Variants in NXPH1 observed in about 807,000 individuals in gnomAD.
NXPH1 encodes the protein neurexophilin 1, also known as neurexophilin-1.
Under a neutral mutation model 23.7 loss-of-function variants are expected in NXPH1, and 5 were observed. The ratio of observed to expected loss-of-function variants is 0.21; its 90% CI spans 0.11 to 0.44. The LOEUF (loss-of-function observed/expected upper bound fraction) is 0.44. NXPH1 is among the 20% of genes least tolerant of loss of function. The probability of loss-of-function intolerance (pLI) is 0.99; values close to 1 mark genes in which losing one functional copy is unlikely to be tolerated. For synonymous variants in NXPH1, 144 were observed against 122.2 expected (o/e 1.18, Z -1.18); for missense variants, 324 against 321.6 (o/e 1.01, Z -0.06).
chr7:8,709,356 C>T (rs1030509841), intron 2 of NXPH1, among the ~76,000 whole-genome samples: 2 of 151,884 alleles, frequency 1.3e-5, no homozygotes, highest in African/African-American at 4.8e-5. Flanking sequence ...GTATTAGGTG[C>T]TTTGAATTCT....
rs551304675 is a variant in NXPH1, at chr7:8,549,541, T to G, written c.54+113774T>G. ...TAAGTTGTTTCTAAGATTAATTCAG[T>G]AGATTGTTTTCTTCCCCCTCTATGG... On this transcript the variant is annotated intron_variant, in intron 2 of 2. Transcript: ENST00000405863. Among the ~76,000 whole-genome samples, 10 of 151,654 alleles carry G rather than the reference T, an allele frequency of 6.6e-5. No homozygotes were observed. In the East Asian group the frequency reaches 1.2e-3, roughly 18 times the overall value.
intron 2 of NXPH1, among the ~76,000 whole-genome samples, chr7:8,574,960 C>T (rs1818724623): frequency 6.6e-6 from 1 of 152,184 alleles, no homozygotes; most frequent in African/African-American, 2.4e-5. Flanking sequence ...TACCACCAGA[C>T]ATGCTTGGTT....
intron 2 of NXPH1, among the ~76,000 whole-genome samples, chr7:8,720,235 C>T (rs947920958): frequency 6.6e-6 from 1 of 152,172 alleles, no homozygotes; most frequent in Non-Finnish European, 1.5e-5. Flanking sequence ...GTACAACCAC[C>T]TTTCATTTGG....
chr7:8,467,591 G>C (rs1816805654), intron 2 of NXPH1, among the ~76,000 whole-genome samples: 1 of 152,102 alleles, frequency 6.6e-6, no homozygotes, highest in African/African-American at 2.4e-5. Flanking sequence ...ATATATAGCG[G>C]TGGGGGCTAG....
intron 2 of NXPH1, among the ~76,000 whole-genome samples, chr7:8,585,731 C>T (rs927241400): frequency 2.0e-5 from 3 of 152,218 alleles, no homozygotes; most frequent in Non-Finnish European, 4.4e-5. Context: ...TATGTTGAAA[C>T]ATTTGCAATT....
intron 2 of NXPH1, among the ~76,000 whole-genome samples, chr7:8,539,684 GATTAA>G (rs1357877613): frequency 1.3e-5 from 2 of 151,654 alleles, no homozygotes; most frequent in Non-Finnish European, 2.9e-5. Context: ...AGCATGTATT[GATTAA>G]ATTATCAATG....
chr7:8,668,264 TTTTTTA>T (rs1487334584), intron 2 of NXPH1, among the ~76,000 whole-genome samples: 2 of 84,718 alleles, frequency 2.4e-5, no homozygotes, highest in Admixed American at 1.7e-4. Context: ...TTGTTTTTTT[TTTTTTA>T]TTTTGTTGTT....
chr7:8,449,514 G>A (rs1015451877), intron 2 of NXPH1, among the ~76,000 whole-genome samples: 1 of 152,070 alleles, frequency 6.6e-6, no homozygotes, highest in South Asian at 2.1e-4. Context: ...TTAATATTAG[G>A]TCATATTAAT....
intron 2 of NXPH1, among the ~76,000 whole-genome samples, chr7:8,484,318 C>T (rs1022210352): frequency 9.9e-5 from 15 of 151,938 alleles, no homozygotes; most frequent in African/African-American, 3.4e-4. Context: ...ACATAGCTTG[C>T]TTTTTTGTGC....
intron 2 of NXPH1, among the ~76,000 whole-genome samples, chr7:8,604,772 A>G (rs949270935): frequency 6.6e-6 from 1 of 152,316 alleles, no homozygotes; most frequent in East Asian, 1.9e-4. Flanking sequence ...AACAAATACC[A>G]GTTTTGAGAT....
intron 2 of NXPH1, among the ~76,000 whole-genome samples, chr7:8,582,563 C>A (rs906401186): frequency 6.6e-6 from 1 of 152,130 alleles, no homozygotes; most frequent in Non-Finnish European, 1.5e-5. Context: ...GTGGGTAGCT[C>A]CTTTCTGCAG....
At chr7:8,664,859 C>A (rs12674027) in intron 2 of NXPH1, among the ~76,000 whole-genome samples, 96,455 of 151,846 alleles carry the variant, frequency 0.64, 31,526 homozygotes, top group Middle Eastern at 0.76. Context: ...GTTTATTTGA[C>A]TGTTTTTTAA....
intron 2 of NXPH1, among the ~76,000 whole-genome samples, chr7:8,487,178 C>T (rs1051765883): frequency 2.6e-5 from 4 of 151,916 alleles, no homozygotes; most frequent in African/African-American, 9.7e-5. Context: ...GTTATCAGTT[C>T]ACTGGTTTGT....
rs1306426521 is a variant in NXPH1, at chr7:8,728,767, C to A, written c.55-22241C>A. 2.0e-5 allele frequency among the ~76,000 whole-genome samples: 3 copies of A among 152,156 alleles called. No individual in the cohort carries two copies. The South Asian group carries it at 6.2e-4, about 32-fold the overall frequency. ...AGTATTTTATTGAGGATTTTTGCATCAATATTCATCAAGGATATTGGTCTA... is the reference window on the plus strand; with the variant it reads ...AGTATTTTATTGAGGATTTTTGCATAAATATTCATCAAGGATATTGGTCTA... On this transcript the variant is annotated intron_variant, in intron 2 of 2. Coordinates refer to ENST00000405863, the MANE Select transcript of NXPH1 (RefSeq NM_152745.3).
chr7:8,467,142 G>A (rs1816799568), intron 2 of NXPH1, among the ~76,000 whole-genome samples: 2 of 152,112 alleles, frequency 1.3e-5, no homozygotes, highest in Non-Finnish European at 2.9e-5. Context: ...CTATTATAGA[G>A]TACTTTCTTT....
At chr7:8,477,675 C>T (rs12665892) in intron 2 of NXPH1, among the ~76,000 whole-genome samples, 1 of 151,860 alleles carries the variant, frequency 6.6e-6, no homozygotes, top group African/African-American at 2.4e-5. Flanking sequence ...GGAATCACCT[C>T]CTGCTGCAGG....
At chr7:8,608,333 T>TG (rs1819545998) in intron 2 of NXPH1, among the ~76,000 whole-genome samples, 2 of 151,546 alleles carry the variant, frequency 1.3e-5, no homozygotes, top group Admixed American at 1.3e-4. Flanking sequence ...TCAGTGATTT[T>TG]TTTTTTTTTT....
At chr7:8,632,056 C>T (rs1286798374) in intron 2 of NXPH1, among the ~76,000 whole-genome samples, 2 of 152,106 alleles carry the variant, frequency 1.3e-5, no homozygotes, top group African/African-American at 2.4e-5. Context: ...TTAGAGATTC[C>T]TGTAAGTTCA....
intron 2 of NXPH1, among the ~76,000 whole-genome samples, chr7:8,516,926 G>C (rs1425694818): frequency 6.6e-6 from 1 of 152,076 alleles, no homozygotes; most frequent in Non-Finnish European, 1.5e-5. Context: ...GCCATCTTAG[G>C]GGCTTCTGTT....
Sources: gnomAD v4.1 joint callset for allele counts (sites outside exome capture counted in the v4.1 genomes callset) on GRCh38, gnomAD v4.1.1 for gene constraint, MANE v1.5 for transcripts, NCBI Gene and HGNC (gene_info 2026-07-23, HGNC 2026-07-21) for gene names.